ETV5: variants seen among roughly 807,000 people sequenced by gnomAD.
The protein encoded by ETV5 is ETS variant transcription factor 5.
A neutral mutation model predicts 70.0 loss-of-function variants in ETV5; 10 were observed. That is an observed-to-expected ratio of 0.14 (90% CI 0.09 to 0.24). The LOEUF (loss-of-function observed/expected upper bound fraction) is 0.24. Among genes scored for constraint, ETV5 ranks in the 10% least tolerant of loss-of-function variants. The pLI is 1.00. For synonymous variants in ETV5, 216 were observed against 242.2 expected, an observed-to-expected ratio of 0.89 and a Z score of 1.01; for missense variants, 453 against 651.2, an observed-to-expected ratio of 0.70 and a Z score of 3.31.
At chr3:186,071,661 A>G (rs1439010660) in intron 7 of ETV5, among the ~76,000 whole-genome samples, 9 of 152,198 alleles carry the variant, frequency 5.9e-5, no homozygotes, top group Non-Finnish European at 1.5e-5. Flanking sequence ...AAATCAGAAG[A>G]TATGCAAATA....
At chr3:186,064,177 T>TAGGG (rs1713378005) in intron 9 of ETV5, 2 of 561,992 alleles carry the variant, frequency 3.6e-6, no homozygotes, top group African/African-American at 3.8e-5. Flanking sequence ...GGGGCATGCT[T>TAGGG]GAAACCCTGC....
chr3:186,103,947 A>C (rs1006451129), intron 5 of ETV5, among the ~76,000 whole-genome samples: 2 of 152,226 alleles, frequency 1.3e-5, no homozygotes, highest in African/African-American at 4.8e-5. Context: ...TTTTACTTAG[A>C]GAGAGACCTA....
chr3:186,093,945 A>G (rs1714245493), intron 5 of ETV5, among the ~76,000 whole-genome samples: 1 of 152,206 alleles, frequency 6.6e-6, no homozygotes, highest in East Asian at 1.9e-4. Flanking sequence ...GCTCAAGGCA[A>G]TGGACCTGTT....
At position 186,057,475 on chromosome 3, in the gene ETV5, T is replaced by C. The variant is rs759773972; in HGVS notation, c.987A>G (p.Lys329=). 8.1e-6 allele frequency: 13 copies of C among 1,613,680 alleles called. No individual in the cohort carries two copies. In the African/African-American group the frequency reaches 1.3e-4, roughly 17 times the overall value. The change falls in exon 10 of 13, where the codon AAA becomes AAG. Residue 329 remains lysine (K), a synonymous_variant. Transcript: ENST00000306376. The surrounding 1 kb of genome is among the most constrained non-coding windows in gnomAD (Gnocchi z 4.9). ...SSSHEGFSYE[K]DPRLYFDDTC... is the part of the protein sequence containing the mutation. The stretch of plus-strand genomic sequence containing the variant: ...TGTCGTCAAAGTATAATCGGGGATC[T>C]TTTTCATATGAAAAACCTGAAAGAG...
intron 5 of ETV5, among the ~76,000 whole-genome samples, chr3:186,085,009 A>G (rs1473566639): frequency 6.6e-6 from 1 of 152,218 alleles, no homozygotes; most frequent in Admixed American, 6.5e-5. Context: ...CTTTATGCCC[A>G]GTTGCTCTTA....
At chr3:186,086,564 T>C (rs1224838463) in intron 5 of ETV5, among the ~76,000 whole-genome samples, 1 of 152,158 alleles carries the variant, frequency 6.6e-6, no homozygotes, top group Admixed American at 6.5e-5. Flanking sequence ...AAAAAAACTT[T>C]TAGTATACAG....
intron 9 of ETV5, among the ~76,000 whole-genome samples, chr3:186,063,161 T>C (rs188277656): frequency 1.3e-5 from 2 of 152,146 alleles, no homozygotes; most frequent in Admixed American, 1.3e-4. Flanking sequence ...TCCCAGCTAC[T>C]TGGGAGGCTG....
chr3:186,093,399 T>C (rs1056679092), intron 5 of ETV5, among the ~76,000 whole-genome samples: 1 of 151,592 alleles, frequency 6.6e-6, no homozygotes, highest in Non-Finnish European at 1.5e-5. Flanking sequence ...GAAGGGGAGG[T>C]GGTTTAAAGG....
chr3:186,077,371 C>T (rs1323698962), intron 7 of ETV5, among the ~76,000 whole-genome samples: 4 of 152,132 alleles, frequency 2.6e-5, no homozygotes, highest in African/African-American at 9.7e-5. Context: ...TGATATTATC[C>T]ATGACTGTAA....
In ETV5 at chr3:186,047,277, A is replaced by T. The variant is rs567275710; in HGVS notation, c.*1362T>A. 4.0e-4 allele frequency: 91 copies of T among 228,698 alleles called. No individual in the cohort carries two copies. The highest frequency in any genetic ancestry group is 1.1e-3 in the South Asian group (6 of 5,472). 14.2% of individuals were successfully genotyped at this position (228,698 alleles called of 1,614,324 possible). Reference sequence around the variant, plus strand: ...ACAGCAATGAGAATAATTTCTTTTTAAAAAAAGGCAGGAATCTAGAATGCT... The same window carrying T: ...ACAGCAATGAGAATAATTTCTTTTTTAAAAAAGGCAGGAATCTAGAATGCT... On this transcript the variant is annotated 3_prime_UTR_variant, in exon 13 of 13. Coordinates refer to ENST00000306376, the MANE Select transcript of ETV5 (RefSeq NM_004454.3).
intron 11 of ETV5, among the ~76,000 whole-genome samples, chr3:186,055,861 T>C (rs924867644): frequency 3.3e-5 from 5 of 152,220 alleles, no homozygotes; most frequent in Admixed American, 6.5e-5. Context: ...AAATGCTTTC[T>C]AAGAGTGTCT....
intron 1 of ETV5, among the ~76,000 whole-genome samples, chr3:186,107,957 C>A (rs1475543879): frequency 6.6e-6 from 1 of 151,430 alleles, no homozygotes; most frequent in Admixed American, 6.6e-5. Context: ...CCCCTCACCC[C>A]AGCGTTTTAG....
At chr3:186,106,742 C>G (rs189662205) in intron 1 of ETV5, among the ~76,000 whole-genome samples, 1 of 152,134 alleles carries the variant, frequency 6.6e-6, no homozygotes, top group African/African-American at 2.4e-5. Context: ...CATACCCCCC[C>G]ACCCCCAAAT....
At chr3:186,050,397 G>A (rs1255458385) in intron 12 of ETV5, among the ~76,000 whole-genome samples, 1 of 152,132 alleles carries the variant, frequency 6.6e-6, no homozygotes, top group African/African-American at 2.4e-5. Flanking sequence ...TGTGTCCTGG[G>A]TTGCATCTCC....
chr3:186,071,387 G>T (rs1336522902), intron 7 of ETV5, among the ~76,000 whole-genome samples: 1 of 152,166 alleles, frequency 6.6e-6, no homozygotes, highest in African/African-American at 2.4e-5. Context: ...AGCACAGCTG[G>T]GTAAGAGGCT....
chr3:186,064,727 G>A (rs144014665), intron 8 of ETV5, among the ~76,000 whole-genome samples: 45 of 152,280 alleles, frequency 3.0e-4, no homozygotes, highest in South Asian at 8.3e-4. Flanking sequence ...CACTCTCATT[G>A]TTCACTTATT....
At chr3:186,081,699 G>C (rs1205126761) in intron 5 of ETV5, among the ~76,000 whole-genome samples, 1 of 152,130 alleles carries the variant, frequency 6.6e-6, no homozygotes, top group African/African-American at 2.4e-5. Context: ...TTAAATATCA[G>C]CTCTCAGCAA....
At chr3:186,051,633 G>A (rs183371115) in intron 12 of ETV5, among the ~76,000 whole-genome samples, 1 of 152,314 alleles carries the variant, frequency 6.6e-6, no homozygotes, top group Admixed American at 6.5e-5. Context: ...CAGATTTGGA[G>A]GTCTAGGTGT....
chr3:186,065,240 G>A (rs1263309858), intron 8 of ETV5, among the ~76,000 whole-genome samples: 2 of 152,184 alleles, frequency 1.3e-5, no homozygotes, highest in Non-Finnish European at 2.9e-5. Flanking sequence ...AGGGAGTGGA[G>A]TGGGGTGCAA....
Sources: gnomAD v4.1 joint callset for allele counts (sites outside exome capture counted in the v4.1 genomes callset) on GRCh38, gnomAD v4.1.1 for gene constraint, Gnocchi (gnomAD v3.1) non-coding constraint, MANE v1.5 for transcripts, NCBI Gene and HGNC (gene_info 2026-07-23, HGNC 2026-07-21) for gene names.